The following SERPINB9 variants were observed in gnomAD, a reference collection of about 807,000 sequenced individuals.
The protein encoded by SERPINB9 is serpin family B member 9.
Under a neutral mutation model 27.2 loss-of-function variants are expected in SERPINB9, and 20 were observed. That is an observed-to-expected ratio of 0.74 (90% CI 0.52 to 1.07). SERPINB9 has a LOEUF of 1.07. SERPINB9 is among the 50% of genes least tolerant of loss of function. The pLI is 0.00. For synonymous variants in SERPINB9, 189 were observed against 180.0 expected (o/e 1.05, Z -0.40); for missense variants, 476 against 460.1 (o/e 1.03, Z -0.32).
Position 2,889,342 on chromosome 6 carries a change from G to A in SERPINB9, c.*821C>T, listed in dbSNP as rs961239288. ...TGGCTCTGTCCCCTTTGTGTCCCCA[G>A]TGCCTAAAGCAGTGTTTGGTGCATG... On this transcript the variant is annotated 3_prime_UTR_variant, in exon 7 of 7. Coordinates refer to ENST00000380698, the MANE Select transcript of SERPINB9 (RefSeq NM_004155.6). 1 of 152,362 alleles carries A rather than the reference G, an allele frequency of 6.6e-6. No individual in the cohort carries two copies. Among genetic ancestry groups the A allele is most frequent in the African/African-American group, 2.4e-5 (1 of 41,566 alleles). 9.4% of individuals were successfully genotyped at this position (152,362 alleles called of 1,614,324 possible). A position where few individuals can be genotyped will look rare whatever the true frequency, so the allele number is the denominator to read the frequency against.
intron 5 of SERPINB9, among the ~76,000 whole-genome samples, chr6:2,893,107 T>G (rs1016487338): frequency 8.1e-6 from 1 of 123,970 alleles, no homozygotes; most frequent in Non-Finnish European, 1.7e-5. Flanking sequence ...TATAGGAAGA[T>G]CTTTAGTTTC....
At position 2,890,875 on chromosome 6, in the gene SERPINB9, GT is replaced by G. The variant is rs779177496; in HGVS notation, c.724-306del. 2.0e-5 allele frequency among the ~76,000 whole-genome samples: 3 copies of G among 150,674 alleles called. No individual in the cohort carries two copies. The highest frequency in any genetic ancestry group is 1.3e-4 in the Admixed American group (2 of 15,074). On this transcript the variant is annotated intron_variant, in intron 6 of 6. Coordinates refer to ENST00000380698, the MANE Select transcript of SERPINB9 (RefSeq NM_004155.6). The surrounding 1 kb of genome is among the most constrained non-coding windows in gnomAD (Gnocchi z 6.2). ...CAAGTGTCAATGCCCAGGCGACTGT[GT>G]TTTTTTTTCAAACATAGTCTTTTTA... is the stretch of plus-strand genomic sequence containing the variant.
chr6:2,895,781 T>C (rs527599728), intron 3 of SERPINB9, among the ~76,000 whole-genome samples: 1 of 152,092 alleles, frequency 6.6e-6, no homozygotes, highest in East Asian at 1.9e-4. Flanking sequence ...CAAGGTATAA[T>C]TATAGAATTG....
In SERPINB9 at chr6:2,888,705, G is replaced by A. The variant is rs1388731954; in HGVS notation, c.*1458C>T. On this transcript the variant is annotated 3_prime_UTR_variant, in exon 7 of 7. Transcript: ENST00000380698. The stretch of plus-strand genomic sequence containing the variant: ...GGAATGGAGAGTATCTGCTTAATGG[G>A]ATGGGGTTTCCTTTTAGAGGAGAAC... 1 of 152,172 alleles carries A rather than the reference G, an allele frequency of 6.6e-6. No individual in the cohort carries two copies. Among genetic ancestry groups the A allele is most frequent in the Non-Finnish European group, 1.5e-5 (1 of 68,028 alleles). 9.4% of individuals were successfully genotyped at this position (152,172 alleles called of 1,614,324 possible).
rs368508487 is a variant in SERPINB9, at chr6:2,900,512, T to C, written c.100A>G (p.Ser34Gly). Residue 34 changes from serine (S) to glycine (G), a missense_variant, in exon 2 of 7, where the codon AGC becomes GGC. By Grantham distance (56) the Ser-to-Gly change is moderately conservative (BLOSUM62 0). Coordinates refer to ENST00000380698, the MANE Select transcript of SERPINB9 (RefSeq NM_004155.6). Reference protein sequence around the residue: ...PSHNVFCSPVSISSALAMVLL... With the variant: ...PSHNVFCSPVGISSALAMVLL... Reference sequence around the variant, plus strand: ...ACCATGGCCAGGGCAGAGGAGATGCTCACAGGAGAACAGAACACGTTGTGC... The same window carrying C: ...ACCATGGCCAGGGCAGAGGAGATGCCCACAGGAGAACAGAACACGTTGTGC... The C allele has an allele frequency of 2.5e-6, 4 of 1,614,076 alleles. No homozygotes were observed. Among genetic ancestry groups the C allele is most frequent in the Non-Finnish European group, 3.4e-6 (4 of 1,180,018 alleles).
chr6:2,888,605 T>C lies in SERPINB9; in HGVS notation c.*1558A>G, dbSNP rs190926170. ...AAAAGGTCTCATACAATTCAATTTA[T>C]ATAAAATAGCAAGAATAGATAAATC... On this transcript the variant is annotated 3_prime_UTR_variant, in exon 7 of 7. Coordinates refer to ENST00000380698, the MANE Select transcript of SERPINB9 (RefSeq NM_004155.6). The C allele has an allele frequency of 7.9e-5, 12 of 152,324 alleles. No individual in the cohort carries two copies. In the East Asian group the frequency reaches 2.3e-3, roughly 29 times the overall value. The allele number at this position is 152,324 out of a possible 1,614,324, so 9.4% of individuals were successfully genotyped here.
rs772822815 is a variant in SERPINB9, at chr6:2,890,438, G to A, written c.856C>T (p.His286Tyr). ...EDYDMESVLR[H>Y]LGIVDAFQQG... ...TGGAAGGCATCAACAATTCCCAAAT[G>A]CCGAAGCACAGATTCCATGTCATAA... The change falls in exon 7 of 7, where the codon CAT becomes TAT. Residue 286 changes from histidine to tyrosine, a missense_variant. Physicochemically the swap from His to Tyr is moderately conservative, Grantham distance 83 (BLOSUM62 2). Transcript: ENST00000380698. The surrounding 1 kb of genome is among the most constrained non-coding windows in gnomAD (Gnocchi z 6.2). 2 of 1,614,192 alleles carry A rather than the reference G, an allele frequency of 1.2e-6. No homozygotes were observed. Among genetic ancestry groups the A allele is most frequent in the Non-Finnish European group, 1.7e-6 (2 of 1,180,038 alleles).
chr6:2,892,683 C>T (rs1767851059), intron 5 of SERPINB9, among the ~76,000 whole-genome samples: 1 of 152,090 alleles, frequency 6.6e-6, no homozygotes, highest in African/African-American at 2.4e-5. Context: ...TTCTCCTCCT[C>T]CCACCCTTTG....
chr6:2,896,073 T>A lies in SERPINB9; in HGVS notation c.286A>T (p.Lys96Ter), dbSNP rs555961782. Residue 96 changes from lysine (K) to a stop codon, truncating the protein, a stop_gained, in exon 3 of 7, where the codon AAA becomes TAA. Coordinates refer to ENST00000380698, the MANE Select transcript of SERPINB9 (RefSeq NM_004155.6). LOFTEE classifies it high-confidence loss of function. ...LRTANRLFGE[K>*]TCQFLSTFKE... is the part of the protein sequence containing the mutation. Reference sequence around the variant, plus strand: ...CTTACTGAGAGGAACTGACAAGTTTTCTCTCCAAAGAGCCTGTTGGCCGTT... The same window carrying A: ...CTTACTGAGAGGAACTGACAAGTTTACTCTCCAAAGAGCCTGTTGGCCGTT... 1.2e-6 allele frequency: 2 copies of A among 1,613,356 alleles called. No homozygotes were observed. Among genetic ancestry groups the A allele is most frequent in the African/African-American group, 2.7e-5 (2 of 75,026 alleles).
intron 2 of SERPINB9, among the ~76,000 whole-genome samples, chr6:2,897,835 G>A (rs529553688): frequency 2.6e-5 from 4 of 152,190 alleles, no homozygotes; most frequent in African/African-American, 9.6e-5. Flanking sequence ...TATAAACAAA[G>A]GGAATGTTAA....
chr6:2,900,476 C>T lies in SERPINB9; in HGVS notation c.136G>A (p.Ala46Thr). The T allele has an allele frequency of 6.2e-7, 1 of 1,614,074 alleles. No homozygotes were observed. The highest frequency in any genetic ancestry group is 8.5e-7 in the Non-Finnish European group (1 of 1,180,008). The change falls in exon 2 of 7, where the codon GCA becomes ACA. Residue 46 changes from alanine to threonine, a missense_variant. Physicochemically the swap from Ala to Thr is moderately conservative, Grantham distance 58. Transcript: ENST00000380698. ...SSALAMVLLG[A>T]KGNTATQMAQ... The stretch of plus-strand genomic sequence containing the variant: ...ATCTGGGTTGCGGTGTTTCCCTTTG[C>T]CCCTAGGAGAACCATGGCCAGGGCA...
Position 2,890,519 on chromosome 6 carries a change from A to G in SERPINB9, c.775T>C (p.Cys259Arg), listed in dbSNP as rs753272017. ...ACTTCAACCTCAGTACTCTTCATAC[A>G]GTCTGGCTTGGTCCAGGCTGTGAGT... ...EKLTAWTKPDCMKSTEVEVLL... is the reference protein window; with the variant it reads ...EKLTAWTKPDRMKSTEVEVLL... The change falls in exon 7 of 7, where the codon TGT (cysteine) becomes CGT (arginine). Residue 259 changes from cysteine to arginine, a missense_variant. Coordinates refer to ENST00000380698, the MANE Select transcript of SERPINB9 (RefSeq NM_004155.6). This position sits in a 1 kb window ranked among gnomAD's most constrained non-coding sequence, Gnocchi z 6.2. The G allele has an allele frequency of 5.6e-6, 9 of 1,613,986 alleles. No homozygotes were observed. Among genetic ancestry groups the G allele is most frequent in the Non-Finnish European group, 7.6e-6 (9 of 1,179,840 alleles).
intron 3 of SERPINB9, 90 bp from the exon 4 acceptor site, chr6:2,895,598 AATAAAAAGAATATAC>A: frequency 1.3e-6 from 1 of 776,672 alleles, no homozygotes; most frequent in Non-Finnish European, 2.2e-6. Context: ...ATCTTTTTTT[AATAAAAAGAATATAC>A]ATAACTCTTT....
At position 2,896,062 on chromosome 6, in the gene SERPINB9, C is replaced by A. The variant is rs144597287; in HGVS notation, c.297G>T (p.Gln99His). 3.2e-5 allele frequency: 51 copies of A among 1,612,804 alleles called. No individual in the cohort carries two copies. The African/African-American group carries it at 5.7e-4, about 18-fold the overall frequency. The change falls in exon 3 of 7, where the codon CAG (glutamine) becomes CAT (histidine). Residue 99 changes from glutamine to histidine, a missense_variant. By Grantham distance (24) the Gln-to-His change is conservative. Transcript: ENST00000380698. ...TATTGATTCAACTTACTGAGAGGAA[C>A]TGACAAGTTTTCTCTCCAAAGAGCC... is the stretch of plus-strand genomic sequence containing the variant. ...ANRLFGEKTCQFLSTFKESCL... is the reference protein window; with the variant it reads ...ANRLFGEKTCHFLSTFKESCL...
rs750757606 is a variant in SERPINB9, at chr6:2,888,337, T to A, written c.*1826A>T. The A allele has an allele frequency of 6.6e-6, 1 of 152,154 alleles. No homozygotes were observed. The highest frequency in any genetic ancestry group is 2.4e-5 in the African/African-American group (1 of 41,432). The allele number at this position is 152,154 out of a possible 1,614,324, so 9.4% of individuals were successfully genotyped here. ...GACCCAGCAGTTCCACTCCTAGATA[T>A]ATACCCAAGAGAATGCAAAATAGGC... On this transcript the variant is annotated 3_prime_UTR_variant, in exon 7 of 7. Coordinates refer to ENST00000380698, the MANE Select transcript of SERPINB9 (RefSeq NM_004155.6).
At position 2,889,609 on chromosome 6, in the gene SERPINB9, G is replaced by C. The variant is rs1226448381; in HGVS notation, c.*554C>G. The C allele has an allele frequency of 4.0e-5, 6 of 151,264 alleles. No homozygotes were observed. Among genetic ancestry groups the C allele is most frequent in the Non-Finnish European group, 7.4e-5 (5 of 67,884 alleles). The allele number at this position is 151,264 out of a possible 1,614,324, so 9.4% of individuals were successfully genotyped here. On this transcript the variant is annotated 3_prime_UTR_variant, in exon 7 of 7. Coordinates refer to ENST00000380698, the MANE Select transcript of SERPINB9 (RefSeq NM_004155.6). ...ACTCGGGAGGCTGAGGCAGGAGAAT[G>C]GCGTGAACCCGGGAGGCGGAGCTTG...
At chr6:2,898,204 A>AT (rs901867245) in intron 2 of SERPINB9, among the ~76,000 whole-genome samples, 13 of 151,702 alleles carry the variant, frequency 8.6e-5, no homozygotes, top group African/African-American at 2.2e-4. Context: ...CTTTTGAGGG[A>AT]TTTTTTTTTC....
In SERPINB9 at chr6:2,895,531, T is replaced by A. The variant is rs372009902; in HGVS notation, c.307-23A>T. ...CGTCTTTGGAGAGAAAAATGTTCAG[T>A]GAGGCTGCATTGCTAAATACAAATG... is the stretch of plus-strand genomic sequence containing the variant. On this transcript the variant is annotated intron_variant, in intron 3 of 6. Transcript: ENST00000380698. 6.9e-6 allele frequency: 10 copies of A among 1,452,376 alleles called. No individual in the cohort carries two copies. In the African/African-American group the frequency reaches 8.4e-5, roughly 12 times the overall value. The allele number at this position is 1,452,376 out of a possible 1,614,324, so 90.0% of individuals were successfully genotyped here.
chr6:2,898,543 C>T (rs917874394), intron 2 of SERPINB9, among the ~76,000 whole-genome samples: 5 of 152,142 alleles, frequency 3.3e-5, no homozygotes, highest in Admixed American at 1.3e-4. Context: ...TAGGGCCGGG[C>T]GCAGTGGCTC....
Sources: allele counts gnomAD v4.1 joint callset (sites outside exome capture counted in the v4.1 genomes callset), GRCh38; gene constraint gnomAD v4.1.1; non-coding constraint Gnocchi (gnomAD v3.1); transcripts MANE v1.5; gene names NCBI Gene and HGNC (gene_info 2026-07-23, HGNC 2026-07-21).